KIAA1671: variants seen among roughly 807,000 people sequenced by gnomAD.
KIAA1671 encodes the protein uncharacterized protein KIAA1671.
In KIAA1671, 52 loss-of-function variants were observed where a neutral mutation model predicts 131.2. The ratio of observed to expected loss-of-function variants is 0.40; its 90% CI spans 0.32 to 0.50. The LOEUF is 0.50. KIAA1671 is among the 20% of genes least tolerant of loss of function. The pLI, the probability that KIAA1671 is intolerant of heterozygous loss-of-function variation, is 0.73. For synonymous variants in KIAA1671, 1,003 were observed against 961.6 expected, an observed-to-expected ratio of 1.04 and a Z score of -0.80; for missense variants, 2,360 against 2,364.2, an observed-to-expected ratio of 1.00 and a Z score of 0.04.
intron 6 of KIAA1671, among the ~76,000 whole-genome samples, chr22:25,114,387 T>C (rs1244105939): frequency 6.6e-6 from 1 of 152,222 alleles, no homozygotes; most frequent in Non-Finnish European, 1.5e-5. Context: ...ATCTGCACAC[T>C]TGTGAATGCT....
rs975575593 is a variant in KIAA1671 at position 25,015,278 on chromosome 22, T to C, written c.-207-10355T>C. ...GCAGCAGCAGCAACCATAGATAATA[T>C]GTAAATAAATGGCTGTGGGTGTGTT... On this transcript the variant is annotated intron_variant, in intron 1 of 12. Transcript: ENST00000358431. Among the ~76,000 whole-genome samples the C allele has an allele frequency of 2.7e-5, 4 of 146,616 alleles. No individual in the cohort carries two copies. The South Asian group carries it at 8.8e-4, about 32-fold the overall frequency.
intron 1 of KIAA1671, among the ~76,000 whole-genome samples, chr22:24,972,285 G>A (rs979224613): frequency 6.6e-6 from 1 of 152,198 alleles, no homozygotes; most frequent in Non-Finnish European, 1.5e-5. Flanking sequence ...TCACTGCTCA[G>A]AAAACAGTGC....
intron 6 of KIAA1671, chr22:25,060,683 GCA>G (rs1421628605): frequency 6.6e-6 from 1 of 152,212 alleles, no homozygotes; most frequent in African/African-American, 2.4e-5. Context: ...TGGGCAGGTA[GCA>G]CAGGTGGGGG....
intron 1 of KIAA1671, chr22:25,024,386 C>T (rs1009260969): frequency 7.2e-5 from 11 of 152,396 alleles, no homozygotes; most frequent in South Asian, 4.1e-4. Flanking sequence ...TGCCTGCCCT[C>T]GGGGTGGAGC....
At chr22:25,121,152 G>A (rs191753441) in intron 6 of KIAA1671, among the ~76,000 whole-genome samples, 11 of 152,284 alleles carry the variant, frequency 7.2e-5, no homozygotes, top group African/African-American at 2.4e-4. Flanking sequence ...TTACGTTTTC[G>A]GATTTCATGA....
chr22:25,008,135 T>C (rs564931986), intron 1 of KIAA1671, among the ~76,000 whole-genome samples: 1 of 137,810 alleles, frequency 7.3e-6, no homozygotes, highest in Admixed American at 8.2e-5. Context: ...GAGGTGGAGG[T>C]TGCAGTGAAC....
At chr22:25,089,344 G>A (rs147134921) in intron 6 of KIAA1671, among the ~76,000 whole-genome samples, 120 of 143,802 alleles carry the variant, frequency 8.3e-4, no homozygotes, top group African/African-American at 3.1e-3. Context: ...GCGCGATCTC[G>A]GCTCACTGCA....
chr22:25,159,162 C>T (rs75458828), intron 6 of KIAA1671, among the ~76,000 whole-genome samples: 2 of 152,162 alleles, frequency 1.3e-5, no homozygotes, highest in African/African-American at 2.4e-5. Context: ...AGGAAGCCCC[C>T]ACTCAGAGCT....
rs1296887757 is a variant in KIAA1671, at chr22:24,979,338, A to T, written c.-208+26566A>T. ...GGCAACCATCTTAATAATTTATTTT[A>T]TTTATTTATTTATTTATTTATTTTT... On this transcript the variant is annotated intron_variant, in intron 1 of 12. Coordinates refer to ENST00000358431, the MANE Select transcript of KIAA1671 (RefSeq NM_001145206.2). Among the ~76,000 whole-genome samples the T allele has an allele frequency of 9.6e-3, 1,329 of 139,012 alleles. 24 individuals are homozygous for T. Among genetic ancestry groups the T allele is most frequent in the African/African-American group, 0.035 (1,260 of 36,514 alleles). The allele number at this position is 139,012 out of a possible 152,430, so 91.2% of individuals were successfully genotyped here. A position where few individuals can be genotyped will look rare whatever the true frequency, so the allele number is the denominator to read the frequency against.
intron 6 of KIAA1671, among the ~76,000 whole-genome samples, chr22:25,120,922 T>C (rs1931905649): frequency 6.6e-6 from 1 of 152,188 alleles, no homozygotes; most frequent in Non-Finnish European, 1.5e-5. Context: ...GGCCTGCATG[T>C]GTACTTCTTC....
intron 6 of KIAA1671, among the ~76,000 whole-genome samples, chr22:25,066,829 G>A (rs1928501958): frequency 1.3e-5 from 2 of 152,136 alleles, no homozygotes; most frequent in Non-Finnish European, 2.9e-5. Flanking sequence ...ACAGGGGCCT[G>A]GGGTGGGAGG....
intron 6 of KIAA1671, among the ~76,000 whole-genome samples, chr22:25,108,352 G>C (rs1931139336): frequency 6.6e-6 from 1 of 152,204 alleles, no homozygotes. Context: ...TGACTTTTCT[G>C]GGGCCAGCGG....
At chr22:25,074,189 G>GAA (rs1555876060) in intron 6 of KIAA1671, among the ~76,000 whole-genome samples, 3 of 150,120 alleles carry the variant, frequency 2.0e-5, no homozygotes, top group Non-Finnish European at 4.4e-5. Flanking sequence ...ATATAGAGAG[G>GAA]ATATATATAT....
At chr22:25,186,775 G>A (rs1021840628) in intron 11 of KIAA1671, among the ~76,000 whole-genome samples, 7 of 152,240 alleles carry the variant, frequency 4.6e-5, no homozygotes, top group Non-Finnish European at 8.8e-5. Flanking sequence ...AATACATAGC[G>A]CAGAGTGGGC....
intron 6 of KIAA1671, among the ~76,000 whole-genome samples, chr22:25,164,605 T>C (rs976384567): frequency 2.6e-5 from 4 of 151,872 alleles, no homozygotes; most frequent in Non-Finnish European, 4.4e-5. Flanking sequence ...AGCAAAAGAG[T>C]TGGAAGAATA....
rs955334653 is a variant in KIAA1671 at position 24,952,853 on chromosome 22, G to A, written c.-208+81G>A. 1 of 152,318 alleles carries A rather than the reference G, an allele frequency of 6.6e-6. No individual in the cohort carries two copies. Among genetic ancestry groups the A allele is most frequent in the Admixed American group, 6.5e-5 (1 of 15,288 alleles). 9.4% of individuals were successfully genotyped at this position (152,318 alleles called of 1,614,324 possible). On this transcript the variant is annotated intron_variant, in intron 1 of 12. Coordinates refer to ENST00000358431, the MANE Select transcript of KIAA1671 (RefSeq NM_001145206.2). This position sits in a 1 kb window ranked among gnomAD's most constrained non-coding sequence, Gnocchi z 4.5. ...GGCCGACGAGGTAGCTGGGGGTGAC[G>A]GCGGCTGGCGAGGGCCGCCAAGTTT...
chr22:25,113,527 C>T (rs1334061962), intron 6 of KIAA1671, among the ~76,000 whole-genome samples: 1 of 152,196 alleles, frequency 6.6e-6, no homozygotes, highest in East Asian at 1.9e-4. Context: ...GAGCCCTGAG[C>T]TGGCCCTCCC....
intron 5 of KIAA1671, among the ~76,000 whole-genome samples, chr22:25,046,770 T>C (rs1266587320): frequency 6.6e-6 from 1 of 152,186 alleles, no homozygotes; most frequent in Non-Finnish European, 1.5e-5. Flanking sequence ...GTTGAAACTT[T>C]GGTTGCCTAT....
At chr22:24,964,241 A>G (rs1922173950) in intron 1 of KIAA1671, among the ~76,000 whole-genome samples, 1 of 151,912 alleles carries the variant, frequency 6.6e-6, no homozygotes, top group Non-Finnish European at 1.5e-5. Flanking sequence ...AGGCAGGAGA[A>G]TTGCTTGAAC....
Sources: allele counts gnomAD v4.1 joint callset (sites outside exome capture counted in the v4.1 genomes callset), GRCh38; gene constraint gnomAD v4.1.1; non-coding constraint Gnocchi (gnomAD v3.1); transcripts MANE v1.5; gene names NCBI Gene and HGNC (gene_info 2026-07-23, HGNC 2026-07-21).